DGKB: variants seen among roughly 807,000 people sequenced by gnomAD.
DGKB encodes 90 kDa diacylglycerol kinase.
DGKB carries 67 observed loss-of-function variants against 114.3 expected under a neutral mutation model. The ratio of observed to expected loss-of-function variants is 0.59; its 90% CI spans 0.48 to 0.72. DGKB has a LOEUF of 0.72. Among genes scored for constraint, DGKB ranks in the 30% least tolerant of loss-of-function variants. The pLI is 0.00. For missense variants in DGKB, 907 were observed against 975.2 expected, an observed-to-expected ratio of 0.93 and a Z score of 0.93; for synonymous variants, 398 against 323.1, an observed-to-expected ratio of 1.23 and a Z score of -2.49.
Position 14,691,549 on chromosome 7 carries a change from C to T in DGKB, c.711+2526G>A, listed in dbSNP as rs142317063. Among the ~76,000 whole-genome samples, 873 of 152,182 alleles carry T rather than the reference C, an allele frequency of 5.7e-3. 4 individuals are homozygous for T. Among genetic ancestry groups the T allele is most frequent in the Non-Finnish European group, 8.5e-3 (581 of 67,984 alleles). ...CTCAGTTGTCTTGGTGTCATTCTTGCTTTTTAAAACAATTACCATGCCTTA... is the reference window on the plus strand; with the variant it reads ...CTCAGTTGTCTTGGTGTCATTCTTGTTTTTTAAAACAATTACCATGCCTTA... On this transcript the variant is annotated intron_variant, in intron 9 of 25. Coordinates refer to ENST00000402815, the MANE Select transcript of DGKB (RefSeq NM_001350709.2).
chr7:14,398,211 A>G (rs1027562834), intron 21 of DGKB, among the ~76,000 whole-genome samples: 15 of 152,078 alleles, frequency 9.9e-5, no homozygotes, highest in African/African-American at 3.6e-4. Context: ...AAAATGAAGA[A>G]ATGCCAAGTT....
chr7:14,826,298 G>A (rs182465188), intron 2 of DGKB, among the ~76,000 whole-genome samples: 14 of 152,116 alleles, frequency 9.2e-5, no homozygotes, highest in Admixed American at 3.3e-4. Context: ...CATATTCCCC[G>A]TCAATCAGAA....
At chr7:14,370,050 G>A (rs1034239677) in intron 21 of DGKB, among the ~76,000 whole-genome samples, 1 of 152,052 alleles carries the variant, frequency 6.6e-6, no homozygotes, top group Admixed American at 6.5e-5. Flanking sequence ...GTATTGCCTA[G>A]GTTTTCTTCT....
At chr7:14,420,125 T>A (rs748818524) in intron 21 of DGKB, among the ~76,000 whole-genome samples, 66 of 151,928 alleles carry the variant, frequency 4.3e-4, no homozygotes, top group Non-Finnish European at 6.6e-4. Context: ...CATAGAAAAC[T>A]GGTGTTTAAA....
chr7:14,259,379 TTCTC>T (rs752185464), intron 23 of DGKB, among the ~76,000 whole-genome samples: 4,316 of 142,246 alleles, frequency 0.03, 96 homozygotes, highest in Non-Finnish European at 0.043. Context: ...CTAGTAAAGT[TTCTC>T]TCTCTCTCTC....
intron 2 of DGKB, among the ~76,000 whole-genome samples, chr7:14,767,037 G>A (rs1836557448): frequency 6.6e-6 from 1 of 151,474 alleles, no homozygotes; most frequent in South Asian, 2.1e-4. Flanking sequence ...AGGAATGGGA[G>A]GCAGCAAATA....
At chr7:14,392,995 G>GTTTTTGTTTGTTTTTT in intron 21 of DGKB, among the ~76,000 whole-genome samples, 1 of 60,546 alleles carries the variant, frequency 1.7e-5, no homozygotes, top group Non-Finnish European at 3.4e-5. Context: ...TTTTGTTTTT[G>GTTTTTGTTTGTTTTTT]TTTTTTTTTT....
intron 21 of DGKB, among the ~76,000 whole-genome samples, chr7:14,467,314 A>G (rs1365132062): frequency 1.3e-5 from 2 of 150,882 alleles, no homozygotes; most frequent in African/African-American, 2.4e-5. Context: ...ACAAAAGTAT[A>G]TGAGTTAATG....
intron 21 of DGKB, among the ~76,000 whole-genome samples, chr7:14,385,868 G>A (rs1328930120): frequency 2.6e-5 from 4 of 152,256 alleles, no homozygotes; most frequent in East Asian, 1.9e-4. Flanking sequence ...CTGCAATAAC[G>A]GTGATGTGAT....
intron 23 of DGKB, among the ~76,000 whole-genome samples, chr7:14,231,105 TTCTTTCTTTCTTTCTTTCTTTC>T (rs1446178967): frequency 3.9e-4 from 48 of 122,012 alleles, no homozygotes; most frequent in South Asian, 2.6e-3. Flanking sequence ...CTTTCTTTCT[TTCTTTCTTTCTTTCTTTCTTTC>T]TTTCTTTCTT....
At chr7:14,162,230 C>T (rs1379157200) in intron 25 of DGKB, among the ~76,000 whole-genome samples, 2 of 152,116 alleles carry the variant, frequency 1.3e-5, no homozygotes, top group African/African-American at 4.8e-5. Flanking sequence ...AGTCTGTATC[C>T]ACCAGCAGAA....
intron 20 of DGKB, among the ~76,000 whole-genome samples, chr7:14,498,014 G>A (rs1007840657): frequency 2.0e-5 from 3 of 151,810 alleles, no homozygotes; most frequent in Admixed American, 6.6e-5. Context: ...TATGGATTAT[G>A]TTCCATTTTT....
chr7:14,495,256 T>C (rs564303386), intron 20 of DGKB, among the ~76,000 whole-genome samples: 22 of 151,926 alleles, frequency 1.4e-4, no homozygotes, highest in African/African-American at 4.6e-4. Flanking sequence ...CAAATGGCTC[T>C]TTTAAAATGC....
chr7:14,973,134 G>A, intron 1 of DGKB, among the ~76,000 whole-genome samples: 1 of 151,860 alleles, frequency 6.6e-6, no homozygotes, highest in Non-Finnish European at 1.5e-5. Flanking sequence ...CAATTTTGAA[G>A]TTTTTTCACT....
intron 1 of DGKB, among the ~76,000 whole-genome samples, chr7:14,972,859 A>G (rs1787556685): frequency 6.6e-6 from 1 of 152,104 alleles, no homozygotes; most frequent in East Asian, 1.9e-4. Flanking sequence ...TTTCCACTCT[A>G]AACACAAAGC....
rs1372750576 is a variant in DGKB at position 14,829,971 on chromosome 7, T to A, written c.70+11223A>T. Among the ~76,000 whole-genome samples the A allele has an allele frequency of 2.6e-5, 4 of 152,022 alleles. No homozygotes were observed. The East Asian group carries it at 7.8e-4, about 29-fold the overall frequency. ...AAGGCACTGGATATCATCTGATACC[T>A]AGGAAGAGAGAAGGCTCTAGAGATC... On this transcript the variant is annotated intron_variant, in intron 2 of 25. Transcript: ENST00000402815.
chr7:14,878,781 A>C (rs1373815929), intron 1 of DGKB, among the ~76,000 whole-genome samples: 8 of 151,474 alleles, frequency 5.3e-5, no homozygotes, highest in South Asian at 2.1e-4. Flanking sequence ...AAAAAAAAAA[A>C]CCAAAGACTT....
chr7:14,662,071 G>T (rs1484189911), intron 13 of DGKB, among the ~76,000 whole-genome samples: 7 of 152,072 alleles, frequency 4.6e-5, no homozygotes, highest in Non-Finnish European at 1.0e-4. Context: ...GGGGTTAGGG[G>T]AGAGGGATAT....
chr7:14,659,093 C>T (rs1028363942), intron 13 of DGKB, among the ~76,000 whole-genome samples: 1 of 151,866 alleles, frequency 6.6e-6, no homozygotes, highest in East Asian at 1.9e-4. Context: ...TCGACAGGCC[C>T]TGGTGTGTGA....
Sources: allele counts gnomAD v4.1 joint callset (sites outside exome capture counted in the v4.1 genomes callset), GRCh38; gene constraint gnomAD v4.1.1; transcripts MANE v1.5; gene names NCBI Gene and HGNC (gene_info 2026-07-23, HGNC 2026-07-21).